Variants in P2RY8 observed in about 807,000 individuals in gnomAD.
P2RY8 encodes S-geranylgeranyl-glutathione receptor P2RY8.
A neutral mutation model predicts 10.0 loss-of-function variants in P2RY8; 6 were observed. The ratio of observed to expected loss-of-function variants is 0.60; its 90% CI spans 0.33 to 1.19. The LOEUF is 1.19. Among genes scored for constraint, P2RY8 ranks in the 50% most tolerant of loss-of-function variants. P2RY8 has a pLI of 0.04. For missense variants in P2RY8, 456 were observed against 542.0 expected (o/e 0.84, Z 1.58); for synonymous variants, 276 against 252.5 (o/e 1.09, Z -0.88).
chrX:1,498,580 C>T (rs1326879586), intron 1 of P2RY8, among the ~76,000 whole-genome samples: 5 of 150,856 alleles, frequency 3.3e-5, no homozygotes, highest in Non-Finnish European at 4.4e-5. Flanking sequence ...TGCAGTGGCA[C>T]AATCTTGGTT....
chrX:1,469,154 T>A (rs1370428469), intron 1 of P2RY8, among the ~76,000 whole-genome samples: 1 of 62,014 alleles, frequency 1.6e-5, no homozygotes, highest in Non-Finnish European at 3.2e-5. Context: ...CTTCCCTCTC[T>A]CCTCTCCTTT....
At chrX:1,533,129 T>C (rs1191455965) in intron 1 of P2RY8, among the ~76,000 whole-genome samples, 1 of 149,592 alleles carries the variant, frequency 6.7e-6, no homozygotes, top group Non-Finnish European at 1.5e-5. Flanking sequence ...ACAAACCGGG[T>C]TCAGTGTATA....
At chrX:1,471,991 G>A (rs1313041685) in intron 1 of P2RY8, among the ~76,000 whole-genome samples, 19 of 152,098 alleles carry the variant, frequency 1.2e-4, no homozygotes, top group Non-Finnish European at 2.1e-4. Context: ...CCAGTTTGTG[G>A]TTCTTTTGAT....
intron 1 of P2RY8, among the ~76,000 whole-genome samples, chrX:1,480,621 T>C (rs1318507867): frequency 4.0e-5 from 6 of 151,726 alleles, no homozygotes; most frequent in Non-Finnish European, 7.4e-5. Flanking sequence ...AGTTGAACAA[T>C]GAGAACACAT....
chrX:1,517,980 G>T (rs1385593559), intron 1 of P2RY8, among the ~76,000 whole-genome samples: 1 of 151,222 alleles, frequency 6.6e-6, no homozygotes, highest in African/African-American at 2.4e-5. Flanking sequence ...GTGGTGGTGC[G>T]CACCTGTAAT....
In P2RY8 at chrX:1,488,187, G is replaced by A. The variant is rs1349008280; in HGVS notation, c.-24-21605C>T. ...ATCACTAACAGCTGAGCCCCCAGGA[G>A]CCCCTCAGCCTGCCTGAGTTATTCC... is the stretch of plus-strand genomic sequence containing the variant. On this transcript the variant is annotated intron_variant, in intron 1 of 1. Coordinates refer to ENST00000381297, the MANE Select transcript of P2RY8 (RefSeq NM_178129.5). 3.9e-5 allele frequency among the ~76,000 whole-genome samples: 6 copies of A among 152,058 alleles called. No individual in the cohort carries two copies. The East Asian group carries it at 1.2e-3, about 29-fold the overall frequency.
At chrX:1,471,501 T>C (rs763770938) in intron 1 of P2RY8, among the ~76,000 whole-genome samples, 2 of 150,544 alleles carry the variant, frequency 1.3e-5, no homozygotes, top group Admixed American at 1.3e-4. Context: ...GCGACAAGCT[T>C]TCATCATGTT....
chrX:1,496,622 C>T (rs1295779706), intron 1 of P2RY8, among the ~76,000 whole-genome samples: 2 of 151,940 alleles, frequency 1.3e-5, no homozygotes, highest in South Asian at 2.1e-4. Flanking sequence ...GCCGCGGCTT[C>T]AGACGGAGCA....
At chrX:1,533,972 C>T (rs2092503147) in intron 1 of P2RY8, among the ~76,000 whole-genome samples, 1 of 121,972 alleles carries the variant, frequency 8.2e-6, no homozygotes. Context: ...ATATTTATAA[C>T]TTAAATATAT....
Position 1,504,497 on chromosome X carries a change from C to T in P2RY8, c.-25+32424G>A, listed in dbSNP as rs377099305. Among the ~76,000 whole-genome samples the T allele has an allele frequency of 5.3e-5, 8 of 152,076 alleles. 1 individual carries two copies. The East Asian group carries it at 5.8e-4, about 11-fold the overall frequency. On this transcript the variant is annotated intron_variant, in intron 1 of 1. Transcript: ENST00000381297. ...TGAAATTTAAACATAGGTTTCACTTCCTGCTACCATAAGGATCCCACGTGC... is the reference window on the plus strand; with the variant it reads ...TGAAATTTAAACATAGGTTTCACTTTCTGCTACCATAAGGATCCCACGTGC...
intron 1 of P2RY8, among the ~76,000 whole-genome samples, chrX:1,506,972 G>A (rs112909067): frequency 0.36 from 36,355 of 100,002 alleles, 4,760 homozygotes; most frequent in Middle Eastern, 0.55. Context: ...CACCGCGCCC[G>A]GCCACTTTCT....
intron 1 of P2RY8, among the ~76,000 whole-genome samples, chrX:1,514,046 C>T (rs5948931): frequency 0.22 from 34,138 of 152,094 alleles, 4,526 homozygotes; most frequent in East Asian, 0.54. Flanking sequence ...TTTGCAGGTA[C>T]GCACCATTGA....
chrX:1,528,492 C>A (rs1264377924), intron 1 of P2RY8, among the ~76,000 whole-genome samples: 125 of 152,348 alleles, frequency 8.2e-4, no homozygotes, highest in Non-Finnish European at 1.4e-3. Context: ...CATCCTCATA[C>A]GACATCTTCA....
At chrX:1,476,304 C>T (rs1222700734) in intron 1 of P2RY8, among the ~76,000 whole-genome samples, 13 of 151,898 alleles carry the variant, frequency 8.6e-5, no homozygotes, top group Non-Finnish European at 1.3e-4. Flanking sequence ...CGGCTGGGCA[C>T]GGTGGCTCAT....
chrX:1,519,299 G>A (rs772339132), intron 1 of P2RY8, among the ~76,000 whole-genome samples: 12 of 151,414 alleles, frequency 7.9e-5, no homozygotes, highest in South Asian at 4.2e-4. Flanking sequence ...TATTCTCTCC[G>A]ATCTCCAATT....
At chrX:1,493,342 AG>A (rs1556679114) in intron 1 of P2RY8, among the ~76,000 whole-genome samples, 59,373 of 60,044 alleles carry the variant, frequency 0.99, 29,492 homozygotes, top group Admixed American at 0.99. Flanking sequence ...AGGGGAGGGG[AG>A]GGGAGGGGAG....
intron 1 of P2RY8, among the ~76,000 whole-genome samples, chrX:1,509,792 C>A (rs1287138680): frequency 2.0e-5 from 1 of 51,250 alleles, no homozygotes; most frequent in African/African-American, 7.0e-5. Context: ...ATCTATGTAT[C>A]CATCCTATCT....
At chrX:1,522,382 G>A (rs1322723642) in intron 1 of P2RY8, among the ~76,000 whole-genome samples, 4 of 152,134 alleles carry the variant, frequency 2.6e-5, no homozygotes, top group African/African-American at 7.2e-5. Context: ...TGTAGTTTCA[G>A]AATATTTTCC....
intron 1 of P2RY8, among the ~76,000 whole-genome samples, chrX:1,513,140 T>C (rs1180328639): frequency 1.3e-5 from 2 of 151,728 alleles, no homozygotes; most frequent in African/African-American, 4.8e-5. Context: ...TCTGTTCTTG[T>C]GTTAGTTTGC....
Sources: allele counts gnomAD v4.1 joint callset (sites outside exome capture counted in the v4.1 genomes callset), GRCh38; gene constraint gnomAD v4.1.1; transcripts MANE v1.5; gene names NCBI Gene and HGNC (gene_info 2026-07-23, HGNC 2026-07-21).